Variants in KCP observed in about 807,000 individuals in gnomAD.
KCP encodes kielin cysteine rich BMP regulator.
A neutral mutation model predicts 212.7 loss-of-function variants in KCP; 194 were observed. The ratio of observed to expected loss-of-function variants is 0.91; its 90% CI spans 0.81 to 1.03. The LOEUF (loss-of-function observed/expected upper bound fraction) is 1.03, where lower values mean the gene tolerates loss of function less well. Among genes scored for constraint, KCP ranks in the 50% least tolerant of loss-of-function variants. KCP has a pLI of 0.00. For missense variants in KCP, 2,080 were observed against 2,162.5 expected (o/e 0.96, Z 0.76); for synonymous variants, 833 against 865.3 (o/e 0.96, Z 0.65).
In KCP at chr7:128,880,074, AG is replaced by A; in HGVS notation, c.3770del (p.Pro1257LeufsTer3). On this transcript the variant is annotated frameshift_variant, in exon 35 of 40. Transcript: ENST00000610776. LOFTEE classifies it high-confidence loss of function. ...SPLSCGPDKA[P>X]ALSPGSCCPR... Reference sequence around the variant, plus strand: ...GGCAGCAGCTGCCAGGACTCAGGGCAGGGGCCTTGTCCTGCACTCAGCCCCA... The same window carrying A: ...GGCAGCAGCTGCCAGGACTCAGGGCAGGGCCTTGTCCTGCACTCAGCCCCA... 6.5e-7 allele frequency: 1 copy of A among 1,542,256 alleles called. No homozygotes were observed.
intron 22 of KCP, among the ~76,000 whole-genome samples, chr7:128,888,533 C>G (rs977036351): frequency 5.4e-5 from 8 of 148,570 alleles, no homozygotes; most frequent in Admixed American, 2.6e-4. Context: ...CAGATACACA[C>G]ATACACACAT....
intron 22 of KCP, among the ~76,000 whole-genome samples, chr7:128,888,011 CCACA>C (rs1189209044): frequency 3.1e-5 from 4 of 129,196 alleles, no homozygotes; most frequent in Middle Eastern, 5.2e-3. Context: ...ACATACACAC[CCACA>C]CACAGCCACA....
chr7:128,882,795 C>T (rs1219926102), intron 29 of KCP, among the ~76,000 whole-genome samples: 4 of 152,120 alleles, frequency 2.6e-5, no homozygotes, highest in Non-Finnish European at 5.9e-5. Flanking sequence ...ACAGAAAAGT[C>T]GGCGAGGTGG....
intron 38 of KCP, 22 bp downstream of exon 38, chr7:128,878,536 C>A (rs1252101748): frequency 1.1e-5 from 17 of 1,546,304 alleles, no homozygotes; most frequent in Non-Finnish European, 1.5e-5. Flanking sequence ...TAATCCCCAT[C>A]CCCGGTTCCT....
chr7:128,910,685 C>T lies in KCP; in HGVS notation c.-9G>A, dbSNP rs1196545364. ...GCCCCGACCCCGGCCATGCTAGCTCCGCCTCGCTCGGCTCGCCGTCTGTCG... is the reference window on the plus strand; with the variant it reads ...GCCCCGACCCCGGCCATGCTAGCTCTGCCTCGCTCGGCTCGCCGTCTGTCG... On this transcript the variant is annotated 5_prime_UTR_variant, in exon 1 of 40. Coordinates refer to ENST00000610776, the MANE Select transcript of KCP (RefSeq NM_001366122.1). 6.7e-7 allele frequency: 1 copy of T among 1,489,516 alleles called. No individual in the cohort carries two copies. The highest frequency in any genetic ancestry group is 1.3e-5 in the South Asian group (1 of 78,852). 92.3% of individuals were successfully genotyped at this position (1,489,516 alleles called of 1,614,324 possible). A position where few individuals can be genotyped will look rare whatever the true frequency, so the allele number is the denominator to read the frequency against.
In KCP at chr7:128,891,035, G is replaced by C; in HGVS notation, c.2034C>G (p.Tyr678Ter). Reference sequence around the variant, plus strand: ...GGCAGGGATCGCCGGGCGGGGAGAAGTACTCCTGGTGGCGGGCGTGGGCCG... The same window carrying C: ...GGCAGGGATCGCCGGGCGGGGAGAACTACTCCTGGTGGCGGGCGTGGGCCG... The part of the protein sequence containing the change: ...PGAAHARHQE[Y>*]FSPPGDPCRR... The change falls in exon 20 of 40, where the codon TAC (tyrosine) becomes TAG (stop). Residue 678 changes from tyrosine (Y) to a stop codon, truncating the protein, a stop_gained. Transcript: ENST00000610776. LOFTEE classifies it high-confidence loss of function. 7.3e-7 allele frequency: 1 copy of C among 1,369,330 alleles called. No homozygotes were observed. 84.8% of individuals were successfully genotyped at this position (1,369,330 alleles called of 1,614,324 possible). A position where few individuals can be genotyped will look rare whatever the true frequency, so the allele number is the denominator to read the frequency against.
At chr7:128,881,472 G>GC (rs74647758) in intron 31 of KCP, among the ~76,000 whole-genome samples, 154 bp downstream of exon 31, 2,705 of 152,242 alleles carry the variant, frequency 0.018, 69 homozygotes, top group South Asian at 0.067. Flanking sequence ...CTCAAGAACA[G>GC]CCCCCCTCCA....
At chr7:128,880,580 G>T in intron 33 of KCP, 39 bp downstream of exon 33, 1 of 1,355,822 alleles carries the variant, frequency 7.4e-7, no homozygotes, top group Non-Finnish European at 9.6e-7. Flanking sequence ...ATGCCCAGAA[G>T]GTCTGGCTTA....
intron 27 of KCP, 37 bp downstream of exon 27, chr7:128,885,060 T>C: frequency 6.5e-7 from 1 of 1,549,886 alleles, no homozygotes; most frequent in Non-Finnish European, 8.7e-7. Flanking sequence ...CAGGGCTCCC[T>C]CCTCGCCTTT....
chr7:128,884,002 C>T lies in KCP; in HGVS notation c.3244G>A (p.Glu1082Lys), dbSNP rs888721214. ...GPQHCCPTCA[E>K]ALSNCSEGLL... is the part of the protein sequence containing the mutation. ...TCTACCCCCACATCCCTGGACTCAC[C>T]GGCACAGGTGGGACAGCAGTGCTGG... The change falls in exon 29 of 40, where the codon GAG (glutamate) becomes AAG (lysine). Residue 1082 changes from glutamate to lysine, a missense_variant and splice_region_variant. Glu to Lys is a moderately conservative substitution (Grantham distance 56, BLOSUM62 1). Transcript: ENST00000610776. 2.1e-5 allele frequency: 32 copies of T among 1,548,148 alleles called. No individual in the cohort carries two copies. Among genetic ancestry groups the T allele is most frequent in the Non-Finnish European group, 2.4e-5 (27 of 1,146,172 alleles).
At position 128,903,788 on chromosome 7, in the gene KCP, G is replaced by A; in HGVS notation, c.687C>T (p.Cys229=). The change falls in exon 7 of 40, where the codon TGC becomes TGT. Residue 229 remains cysteine, a synonymous_variant. Transcript: ENST00000610776. ...RSRVRCMALK[C]PPSPCPEPVL... is the part of the protein sequence containing the mutation. ...CTGGCTCTGGGCAGGGGCTAGGCGG[G>A]CACTTCAGGGCCATGCAGCGAACTC... The A allele has an allele frequency of 6.5e-7, 1 of 1,526,954 alleles. No homozygotes were observed. The highest frequency in any genetic ancestry group is 8.8e-7 in the Non-Finnish European group (1 of 1,132,796). 94.6% of individuals were successfully genotyped at this position (1,526,954 alleles called of 1,614,324 possible).
chr7:128,899,476 G>C (rs1243014449), intron 8 of KCP, among the ~76,000 whole-genome samples: 3 of 152,184 alleles, frequency 2.0e-5, no homozygotes, highest in Non-Finnish European at 4.4e-5. Context: ...GAGCTGAGCT[G>C]AAATGTTCAT....
chr7:128,903,714 CA>C lies in KCP; in HGVS notation c.748+12del. The stretch of plus-strand genomic sequence containing the variant: ...ACCTGTGGCTCTACCAGGGAGGGGC[CA>C]GGGGCTCTCACCTTGGCAGGTTGGG... On this transcript the variant is annotated intron_variant, in intron 7 of 39. Transcript: ENST00000610776. 6.5e-7 allele frequency: 1 copy of C among 1,542,168 alleles called. No homozygotes were observed. The highest frequency in any genetic ancestry group is 8.8e-7 in the Non-Finnish European group (1 of 1,142,454).
In KCP at chr7:128,908,251, GAAGAA is replaced by G. The variant is rs1454174956; in HGVS notation, c.219+170_219+174del. ...AGGAAAGAAGAAAGGAAGAAAGAAAGAAGAAAGAAAGAAAGAAAGAAAGAAAGAAA... is the reference window on the plus strand; with the variant it reads ...AGGAAAGAAGAAAGGAAGAAAGAAAGAGAAAGAAAGAAAGAAAGAAAGAAA... On this transcript the variant is annotated intron_variant, in intron 2 of 39. Transcript: ENST00000610776. 5.0e-3 allele frequency among the ~76,000 whole-genome samples: 508 copies of G among 101,276 alleles called. 12 individuals carry two copies. Among genetic ancestry groups the G allele is most frequent in the African/African-American group, 0.019 (485 of 25,842 alleles). 66.4% of individuals were successfully genotyped at this position (101,276 alleles called of 152,430 possible).
In KCP at chr7:128,884,772, C is replaced by T; in HGVS notation, c.3123+9G>A. On this transcript the variant is annotated intron_variant, in intron 28 of 39. Transcript: ENST00000610776. ...GGTGCCCCAGCCCCACCACTGTGCC[C>T]TCACCTACCTCGCAGATGCACACTT... 6.4e-7 allele frequency: 1 copy of T among 1,550,946 alleles called. No homozygotes were observed. The highest frequency in any genetic ancestry group is 8.7e-7 in the Non-Finnish European group (1 of 1,146,918).
chr7:128,900,668 C>T (rs1057318403), intron 8 of KCP, among the ~76,000 whole-genome samples: 7 of 152,204 alleles, frequency 4.6e-5, no homozygotes, highest in African/African-American at 1.7e-4. Context: ...TTCCAGATAT[C>T]AACTTTTGTT....
chr7:128,888,376 C>T (rs1793855426), intron 22 of KCP, among the ~76,000 whole-genome samples: 1 of 122,490 alleles, frequency 8.2e-6, no homozygotes, highest in African/African-American at 3.1e-5. Context: ...ACACACAGGC[C>T]AACACACACA....
intron 23 of KCP, 112 bp downstream of exon 23, chr7:128,887,103 T>C (rs1441819760): frequency 3.6e-6 from 4 of 1,110,738 alleles, no homozygotes; most frequent in Non-Finnish European, 4.0e-6. Context: ...CCATGAGATG[T>C]GAAGGGCAGA....
At chr7:128,888,717 C>T in intron 22 of KCP, 146 bp downstream of exon 22, 1 of 763,352 alleles carries the variant, frequency 1.3e-6, no homozygotes, top group South Asian at 1.8e-5. Flanking sequence ...TGCCCGGGAC[C>T]TCTATCAAAG....
Sources: allele counts gnomAD v4.1 joint callset (sites outside exome capture counted in the v4.1 genomes callset), GRCh38; gene constraint gnomAD v4.1.1; transcripts MANE v1.5; gene names NCBI Gene and HGNC (gene_info 2026-07-23, HGNC 2026-07-21).